The following DYNC2LI1 variants were observed in gnomAD, a reference collection of about 807,000 sequenced individuals.
The protein encoded by DYNC2LI1 is cytoplasmic dynein 2 light intermediate chain 1.
Under a neutral mutation model 51.9 loss-of-function variants are expected in DYNC2LI1, and 45 were observed. That is an observed-to-expected ratio of 0.87 (90% CI 0.68 to 1.11). DYNC2LI1 has a LOEUF of 1.11. Among genes scored for constraint, DYNC2LI1 ranks in the 50% most tolerant of loss-of-function variants. The pLI is 0.00. For synonymous variants in DYNC2LI1, 130 were observed against 137.8 expected, an observed-to-expected ratio of 0.94 and a Z score of 0.40; for missense variants, 490 against 417.4, an observed-to-expected ratio of 1.17 and a Z score of -1.51.
At chr2:43,812,236 A>G (rs998605668), downstream of DYNC2LI1, among the ~76,000 whole-genome samples, 7 of 150,744 alleles carry the variant, frequency 4.6e-5, no homozygotes, top group Non-Finnish European at 1.0e-4. Context: ...TTTTTTCTAT[A>G]TGGACTTTAA....
At chr2:43,814,289 G>C (rs1443356180), downstream of DYNC2LI1, among the ~76,000 whole-genome samples, 1 of 152,164 alleles carries the variant, frequency 6.6e-6, no homozygotes, top group Admixed American at 6.5e-5. Context: ...TTTGACAGGA[G>C]ACTAACTTGA....
intron 3 of DYNC2LI1, among the ~76,000 whole-genome samples, chr2:43,786,439 C>G (rs1248362056): frequency 6.6e-6 from 1 of 152,124 alleles, no homozygotes. Context: ...GCCTCAGCCT[C>G]CCAAAGTGCT....
chr2:43,777,753 A>G (rs978961527), intron 2 of DYNC2LI1, among the ~76,000 whole-genome samples: 1 of 152,256 alleles, frequency 6.6e-6, no homozygotes, highest in African/African-American at 2.4e-5. Flanking sequence ...TCTTGTCTCC[A>G]GATGAGTCCC....
Position 43,809,942 on chromosome 2 carries a change from G to T in DYNC2LI1, c.*175G>T. On this transcript the variant is annotated 3_prime_UTR_variant, in exon 13 of 13. Coordinates refer to ENST00000260605, the MANE Select transcript of DYNC2LI1 (RefSeq NM_016008.4). ...CTGTATATCTTGAAGCTTTTTAAAA[G>T]GAAAAATTATTGTAGAACCACGTGT... is the stretch of plus-strand genomic sequence containing the variant. The T allele has an allele frequency of 7.5e-7, 1 of 1,329,180 alleles. No homozygotes were observed. The highest frequency in any genetic ancestry group is 9.7e-7 in the Non-Finnish European group (1 of 1,035,956). 82.3% of individuals were successfully genotyped at this position (1,329,180 alleles called of 1,614,324 possible). A position where few individuals can be genotyped will look rare whatever the true frequency, so the allele number is the denominator to read the frequency against.
intron 12 of DYNC2LI1, among the ~76,000 whole-genome samples, chr2:43,807,627 C>T (rs972820235): frequency 6.6e-5 from 10 of 151,100 alleles, no homozygotes; most frequent in Non-Finnish European, 8.8e-5. Context: ...TTTTGTTGCC[C>T]AGGCTGGTCT....
chr2:43,824,732 A>T, the DYNC2LI1 span: 2 of 920,422 alleles, frequency 2.2e-6, no homozygotes, highest in Non-Finnish European at 2.6e-6. Flanking sequence ...CATCTCTGGC[A>T]AGTTCATTGA....
chr2:43,819,002 A>C, the DYNC2LI1 span, among the ~76,000 whole-genome samples: 3 of 152,172 alleles, frequency 2.0e-5, no homozygotes, highest in African/African-American at 7.2e-5. Flanking sequence ...TAGTGGTGTG[A>C]CTTGAGCAAA....
the DYNC2LI1 span, chr2:43,824,872 G>A: frequency 2.2e-5 from 36 of 1,613,534 alleles, no homozygotes; most frequent in Non-Finnish European, 3.0e-5. Context: ...GATGGGGAAT[G>A]TGAAAGAAAA....
intron 3 of DYNC2LI1, among the ~76,000 whole-genome samples, chr2:43,785,964 TTA>T (rs1306247569): frequency 1.3e-5 from 2 of 152,162 alleles, no homozygotes; most frequent in East Asian, 3.9e-4. Flanking sequence ...AAATTCTATT[TTA>T]TGTGTTCTTT....
chr2:43,810,054 T>C, downstream of DYNC2LI1: 1 of 749,420 alleles, frequency 1.3e-6, no homozygotes, highest in Non-Finnish European at 1.7e-6. Flanking sequence ...TATAAGTTTC[T>C]GCTTATATGT....
At chr2:43,784,781 T>C (rs1673443776) in intron 3 of DYNC2LI1, among the ~76,000 whole-genome samples, 1 of 152,140 alleles carries the variant, frequency 6.6e-6, no homozygotes, top group Admixed American at 6.6e-5. Flanking sequence ...TAGGAAAAGG[T>C]TAATTTTCTA....
chr2:43,774,414 C>G (rs1009648281), intron 1 of DYNC2LI1, among the ~76,000 whole-genome samples: 1 of 152,198 alleles, frequency 6.6e-6, no homozygotes, highest in African/African-American at 2.4e-5. Flanking sequence ...TTCTTGCAGG[C>G]CAGAGACTAC....
chr2:43,820,845 G>A, the DYNC2LI1 span, among the ~76,000 whole-genome samples: 120 of 152,184 alleles, frequency 7.9e-4, no homozygotes, highest in Non-Finnish European at 1.3e-3. Flanking sequence ...GTAGAGATGG[G>A]GTTTTGCCAT....
chr2:43,780,308 C>T (rs993876950), intron 2 of DYNC2LI1, among the ~76,000 whole-genome samples: 2 of 152,150 alleles, frequency 1.3e-5, no homozygotes, highest in African/African-American at 2.4e-5. Flanking sequence ...CATTGGGAGG[C>T]AAATGCACTG....
rs575926068 is a variant in DYNC2LI1, at chr2:43,785,459, T to G, written c.162-1722T>G. Among the ~76,000 whole-genome samples, 6 of 151,814 alleles carry G rather than the reference T, an allele frequency of 4.0e-5. No individual in the cohort carries two copies. The East Asian group carries it at 1.2e-3, about 29-fold the overall frequency. On this transcript the variant is annotated intron_variant, in intron 3 of 12. Transcript: ENST00000260605. ...AAAAAAACACAAATATTGGGGTGGG[T>G]GCAGTGGCTCACACCTGTAATCCCA...
intron 3 of DYNC2LI1, among the ~76,000 whole-genome samples, chr2:43,783,992 G>T (rs1328029785): frequency 6.6e-6 from 1 of 152,104 alleles, no homozygotes; most frequent in African/African-American, 2.4e-5. Flanking sequence ...AACGTATACT[G>T]TAGAAGCAGG....
chr2:43,782,759 A>G (rs1673350814), intron 2 of DYNC2LI1, among the ~76,000 whole-genome samples: 1 of 152,138 alleles, frequency 6.6e-6, no homozygotes, highest in Non-Finnish European at 1.5e-5. Context: ...AGGTGGGCAG[A>G]TTAGATGAGG....
rs772880144 is a variant in DYNC2LI1, at chr2:43,783,538, C to G, written c.145C>G (p.Leu49Val). 3.3e-6 allele frequency: 5 copies of G among 1,533,460 alleles called. No individual in the cohort carries two copies. In the African/African-American group the frequency reaches 7.2e-5, roughly 22 times the overall value. The allele number at this position is 1,533,460 out of a possible 1,614,324, so 95.0% of individuals were successfully genotyped here. A position where few individuals can be genotyped will look rare whatever the true frequency, so the allele number is the denominator to read the frequency against. The change falls in exon 3 of 13, where the codon CTA becomes GTA. Residue 49 changes from leucine (L) to valine (V), a missense_variant. By Grantham distance (32) the Leu-to-Val change is conservative. Transcript: ENST00000260605. ...TTTCCAGGGAAAGACTACTATTATT[C>G]TAAGGTGTCTTGACAGGTAAGTGTT... ...SKNGGKTTIILRCLDRDEPPK... is the reference protein window; with the variant it reads ...SKNGGKTTIIVRCLDRDEPPK...
At chr2:43,810,325 T>C, downstream of DYNC2LI1, 2 of 981,036 alleles carry the variant, frequency 2.0e-6, no homozygotes, top group Non-Finnish European at 2.4e-6. Context: ...CAGCACCAAT[T>C]TCACCCTGCT....
Sources: gnomAD v4.1 joint callset for allele counts (sites outside exome capture counted in the v4.1 genomes callset) on GRCh38, gnomAD v4.1.1 for gene constraint, MANE v1.5 for transcripts, NCBI Gene and HGNC (gene_info 2026-07-23, HGNC 2026-07-21) for gene names.